PTPRF: variants seen among roughly 807,000 people sequenced by gnomAD.
PTPRF encodes the protein protein tyrosine phosphatase receptor type F.
PTPRF carries 59 observed loss-of-function variants against 201.8 expected under a neutral mutation model. That is an observed-to-expected ratio of 0.29 (90% CI 0.24 to 0.36). The LOEUF (loss-of-function observed/expected upper bound fraction) is 0.36, where lower values mean the gene tolerates loss of function less well. Ranked by LOEUF, PTPRF falls within the 10% of genes least tolerant of loss-of-function variation. PTPRF has a pLI of 1.00. For synonymous variants in PTPRF, 1,088 were observed against 1,089.7 expected, an observed-to-expected ratio of 1.00 and a Z score of 0.03; for missense variants, 2,132 against 2,690.5, an observed-to-expected ratio of 0.79 and a Z score of 4.59.
At chr1:43,549,475 A>C (rs1207369802) in intron 3 of PTPRF, among the ~76,000 whole-genome samples, 1 of 152,182 alleles carries the variant, frequency 6.6e-6, no homozygotes, top group Non-Finnish European at 1.5e-5. Context: ...CTGGCCTGTC[A>C]GGGTGGCCTA....
At chr1:43,551,641 C>T (rs968459185) in intron 3 of PTPRF, among the ~76,000 whole-genome samples, 10 of 152,214 alleles carry the variant, frequency 6.6e-5, no homozygotes, top group Admixed American at 6.5e-4. Flanking sequence ...CTGCATCCCT[C>T]TGACTTGCCA....
intron 7 of PTPRF, among the ~76,000 whole-genome samples, chr1:43,582,106 G>T (rs1410149858): frequency 6.6e-6 from 1 of 152,196 alleles, no homozygotes; most frequent in African/African-American, 2.4e-5. Context: ...CTTGGCTTCG[G>T]TGTCTACCTC....
intron 7 of PTPRF, among the ~76,000 whole-genome samples, chr1:43,582,816 C>T (rs532747237): frequency 1.4e-4 from 22 of 152,368 alleles, no homozygotes; most frequent in African/African-American, 4.3e-4. Flanking sequence ...GCCCCACCCT[C>T]GGCCTCCCTG....
intron 1 of PTPRF, among the ~76,000 whole-genome samples, chr1:43,534,156 A>G (rs1643872599): frequency 6.6e-6 from 1 of 152,220 alleles, no homozygotes; most frequent in South Asian, 2.1e-4. Context: ...AACCAGTATG[A>G]ATAAAGACTG....
rs565543436 is a variant in PTPRF at position 43,603,620 on chromosome 1, G to A, written c.2468G>A (p.Arg823Gln). ...IVTTTGAVPG[R>Q]PTMMISTTAM... ...GCCCGTGGTCCTTCAGTCCCAGGCC[G>A]GCCCACCATGATGATCAGCACCACG... Residue 823 changes from arginine to glutamine, a missense_variant, in exon 16 of 34, where the codon CGG becomes CAG. This residue lies in a region of PTPRF where 818 missense variants were observed against 915.3 expected (regional missense o/e 0.89). Transcript: ENST00000359947. The surrounding 1 kb of genome is among the most constrained non-coding windows in gnomAD (Gnocchi z 5.8). The A allele has an allele frequency of 8.3e-5, 134 of 1,612,668 alleles. No homozygotes were observed. Among genetic ancestry groups the A allele is most frequent in the Non-Finnish European group, 1.0e-4 (119 of 1,179,400 alleles).
upstream of PTPRF, among the ~76,000 whole-genome samples, chr1:43,528,247 C>G (rs1643200969): frequency 6.6e-6 from 1 of 152,142 alleles, no homozygotes; most frequent in African/African-American, 2.4e-5. Context: ...GGCTGGAGTG[C>G]AGTGGAGCAA....
At chr1:43,563,908 CT>C (rs1645980165) in intron 5 of PTPRF, among the ~76,000 whole-genome samples, 1 of 152,066 alleles carries the variant, frequency 6.6e-6, no homozygotes, top group Admixed American at 6.5e-5. Flanking sequence ...GGCATGGCCC[CT>C]GGGTTCTTGT....
chr1:43,550,344 G>A (rs11580258), intron 3 of PTPRF, among the ~76,000 whole-genome samples: 41,316 of 152,086 alleles, frequency 0.27, 6,616 homozygotes, highest in Non-Finnish European at 0.36. Flanking sequence ...TGTTTGGAGC[G>A]GAGGCCCCGC....
intron 22 of PTPRF, chr1:43,612,805 GT>G: frequency 7.3e-7 from 1 of 1,364,826 alleles, no homozygotes; most frequent in Non-Finnish European, 9.8e-7. Context: ...CCTCAAGTTA[GT>G]TTTCAAAGTT....
chr1:43,593,687 T>G (rs1466269008), intron 11 of PTPRF, among the ~76,000 whole-genome samples: 3 of 149,438 alleles, frequency 2.0e-5, no homozygotes, highest in African/African-American at 7.3e-5. Context: ...CAAATGTCAT[T>G]AAAAGCTCAT....
chr1:43,545,177 CCCCT>C lies in PTPRF; in HGVS notation c.91+13_91+16del. On this transcript the variant is annotated intron_variant, in intron 3 of 33. Transcript: ENST00000359947. ...GCGCCCATGGTGACAGTAAGTCTGA[CCCCT>C]CAAGGTACAGATCTCCCAGGTTGAA... 2 of 1,566,500 alleles carry C rather than the reference CCCCT, an allele frequency of 1.3e-6. No individual in the cohort carries two copies. The highest frequency in any genetic ancestry group is 1.7e-6 in the Non-Finnish European group (2 of 1,155,032).
chr1:43,613,799 T>G, intron 23 of PTPRF, 84 bp downstream of exon 23: 2 of 1,244,412 alleles, frequency 1.6e-6, no homozygotes, highest in Admixed American at 3.5e-5. Context: ...CCAGCTGTGG[T>G]GGGTGAGGAA....
chr1:43,621,749 C>T (rs780988052), intron 33 of PTPRF, among the ~76,000 whole-genome samples, 186 bp from the exon 34 acceptor site: 40 of 152,276 alleles, frequency 2.6e-4, no homozygotes, highest in Admixed American at 3.9e-4. Flanking sequence ...GAGAGAATGA[C>T]AGGAGAGAGA....
Position 43,603,920 on chromosome 1 carries a change from A to G in PTPRF, c.2768A>G (p.His923Arg), listed in dbSNP as rs201215550. ...DLPSGFPQNL[H>R]VTGLTTSTTE... The stretch of plus-strand genomic sequence containing the variant: ...CCCAGCGGCTTCCCCCAAAACCTGC[A>G]TGTGACAGGACTGACCACGTCTACC... Residue 923 changes from histidine (H) to arginine (R), a missense_variant, in exon 16 of 34, where the codon CAT (histidine) becomes CGT (arginine). His to Arg is a conservative substitution (Grantham distance 29). Coordinates refer to ENST00000359947, the MANE Select transcript of PTPRF (RefSeq NM_002840.5). The surrounding 1 kb of genome is among the most constrained non-coding windows in gnomAD (Gnocchi z 5.8). 4.3e-6 allele frequency: 7 copies of G among 1,614,062 alleles called. No homozygotes were observed. Among genetic ancestry groups the G allele is most frequent in the African/African-American group, 1.3e-5 (1 of 75,060 alleles).
intron 29 of PTPRF, 71 bp downstream of exon 29, chr1:43,619,929 G>A: frequency 2.5e-6 from 4 of 1,579,966 alleles, no homozygotes; most frequent in East Asian, 2.2e-5. Flanking sequence ...GTGGGGGTGG[G>A]CAGCAGAGTA....
chr1:43,566,245 CT>C (rs932161464), intron 5 of PTPRF, among the ~76,000 whole-genome samples: 4 of 152,254 alleles, frequency 2.6e-5, no homozygotes, highest in Admixed American at 2.6e-4. Context: ...TCCGATTTAG[CT>C]GTGTGACCTT....
At chr1:43,613,806 G>A in intron 23 of PTPRF, 91 bp downstream of exon 23, 1 of 1,141,826 alleles carries the variant, frequency 8.8e-7, no homozygotes, top group Non-Finnish European at 1.3e-6. Context: ...TGGTGGGTGA[G>A]GAAGCAGGGG....
At chr1:43,581,241 C>T (rs1275216722) in intron 7 of PTPRF, among the ~76,000 whole-genome samples, 1 of 152,228 alleles carries the variant, frequency 6.6e-6, no homozygotes, top group Non-Finnish European at 1.5e-5. Context: ...CTTGAATCTA[C>T]CCTTCTGGCT....
In PTPRF at chr1:43,617,909, C is replaced by G. The variant is rs1570719227; in HGVS notation, c.4369C>G (p.Arg1457Gly). 6.2e-7 allele frequency: 1 copy of G among 1,605,246 alleles called. No homozygotes were observed. Among genetic ancestry groups the G allele is most frequent in the Non-Finnish European group, 8.5e-7 (1 of 1,173,374 alleles). ...VMMTRLEEKS[R>G]VKCDQYWPAR... The stretch of plus-strand genomic sequence containing the variant: ...GATGACACGGCTGGAGGAGAAGTCC[C>G]GGGTGAGGCTGCAGGGCCCTGCCAG... Residue 1457 changes from arginine (R) to glycine (G), a missense_variant and splice_region_variant, in exon 25 of 34, where the codon CGG becomes GGG. Around this residue, in one of 6 missense-constraint regions of PTPRF, gnomAD observed 519 missense variants for 659.5 expected, o/e 0.79. Transcript: ENST00000359947.
Sources: gnomAD v4.1 joint callset for allele counts (sites outside exome capture counted in the v4.1 genomes callset) on GRCh38, gnomAD v4.1.1 for gene constraint, gnomAD v4.1.1 regional missense constraint, Gnocchi (gnomAD v3.1) non-coding constraint, MANE v1.5 for transcripts, NCBI Gene and HGNC (gene_info 2026-07-23, HGNC 2026-07-21) for gene names.